Variants in AGPAT3 observed in about 807,000 individuals in gnomAD.
AGPAT3 encodes the protein 1-acylglycerol-3-phosphate O-acyltransferase 3, also known as 1-acyl-sn-glycerol-3-phosphate acyltransferase gamma.
Under a neutral mutation model 47.3 loss-of-function variants are expected in AGPAT3, and 5 were observed. That is an observed-to-expected ratio of 0.11 (90% CI 0.06 to 0.22). AGPAT3 has a LOEUF of 0.22. Among genes scored for constraint, AGPAT3 ranks in the 10% least tolerant of loss-of-function variants. AGPAT3 has a pLI of 1.00. For missense variants in AGPAT3, 315 were observed against 493.0 expected (o/e 0.64, Z 3.42); for synonymous variants, 212 against 208.3 (o/e 1.02, Z -0.15).
chr21:43,930,803 G>T lies in AGPAT3; in HGVS notation c.-49+26784G>T, dbSNP rs1410829902. On this transcript the variant is annotated intron_variant, in intron 2 of 9. Coordinates refer to ENST00000291572, the MANE Select transcript of AGPAT3 (RefSeq NM_020132.5). This position sits in a 1 kb window ranked among gnomAD's most constrained non-coding sequence, Gnocchi z 5.0. The stretch of plus-strand genomic sequence containing the variant: ...GTGGCTCCTCACGGTGGCCGGGGTG[G>T]CCCACGGCAGGCCAGTGTGCGGTCC... Among the ~76,000 whole-genome samples the T allele has an allele frequency of 2.0e-5, 3 of 152,176 alleles. No individual in the cohort carries two copies. The highest frequency in any genetic ancestry group is 4.4e-5 in the Non-Finnish European group (3 of 68,010).
intron 1 of AGPAT3, among the ~76,000 whole-genome samples, chr21:43,896,700 TCTTC>T (rs2086223804): frequency 6.6e-6 from 1 of 152,264 alleles, no homozygotes; most frequent in South Asian, 2.1e-4. Context: ...AAATTTTATA[TCTTC>T]CTTATGAATG....
chr21:43,975,607 C>T (rs773073369), intron 7 of AGPAT3, among the ~76,000 whole-genome samples: 7 of 152,226 alleles, frequency 4.6e-5, no homozygotes, highest in African/African-American at 1.7e-4. Context: ...CCATGGGCCC[C>T]GCAGCTCAAG....
At chr21:43,891,791 C>T (rs1185251492) in intron 1 of AGPAT3, among the ~76,000 whole-genome samples, 3 of 152,176 alleles carry the variant, frequency 2.0e-5, no homozygotes, top group African/African-American at 7.2e-5. Flanking sequence ...TTGAACTCCT[C>T]AAAGTCATCC....
intron 2 of AGPAT3, among the ~76,000 whole-genome samples, chr21:43,918,929 C>CT (rs1030316268): frequency 6.6e-6 from 1 of 152,184 alleles, no homozygotes; most frequent in South Asian, 2.1e-4. Flanking sequence ...ATGTGTTTAA[C>CT]TTTTTTTTCT....
intron 1 of AGPAT3, among the ~76,000 whole-genome samples, chr21:43,901,019 AG>A (rs2086337245): frequency 6.6e-6 from 1 of 152,202 alleles, no homozygotes; most frequent in Non-Finnish European, 1.5e-5. Flanking sequence ...GGAAACATCC[AG>A]GCTAGACACT....
At chr21:43,891,635 C>T (rs1003488818) in intron 1 of AGPAT3, among the ~76,000 whole-genome samples, 1 of 114,078 alleles carries the variant, frequency 8.8e-6, no homozygotes, top group South Asian at 2.8e-4. Flanking sequence ...TCCATCTAAA[C>T]AAAAAAAAAA....
chr21:43,980,995 C>A lies in AGPAT3; in HGVS notation c.850C>A (p.Leu284Ile), dbSNP rs1601489711. 3.1e-6 allele frequency: 5 copies of A among 1,614,160 alleles called. No homozygotes were observed. Among genetic ancestry groups the A allele is most frequent in the Non-Finnish European group, 4.2e-6 (5 of 1,180,020 alleles). Reference sequence around the variant, plus strand: ...TCTCTGTTGACTCTTCTAGGACGCGCTCCAGGAGATATATAATCAGAAGGG... The same window carrying A: ...TCTCTGTTGACTCTTCTAGGACGCGATCCAGGAGATATATAATCAGAAGGG... Reference protein sequence around the residue: ...LHKLYQEKDALQEIYNQKGMF... With the variant: ...LHKLYQEKDAIQEIYNQKGMF... The change falls in exon 9 of 10, where the codon CTC becomes ATC. Residue 284 changes from leucine to isoleucine, a missense_variant. Physicochemically the swap from Leu to Ile is conservative, Grantham distance 5 (BLOSUM62 2). Transcript: ENST00000291572.
intron 2 of AGPAT3, among the ~76,000 whole-genome samples, chr21:43,943,958 A>T (rs1048052940): frequency 6.6e-6 from 1 of 152,158 alleles, no homozygotes; most frequent in Admixed American, 6.5e-5. Context: ...GCCTGGGCCC[A>T]GTGGTGGCAG....
At chr21:43,873,384 C>T (rs1199359086) in intron 1 of AGPAT3, among the ~76,000 whole-genome samples, 1 of 152,194 alleles carries the variant, frequency 6.6e-6, no homozygotes, top group African/African-American at 2.4e-5. Flanking sequence ...AGGTAAAGCA[C>T]GCGCACCAGC....
rs937713399 is a variant in AGPAT3 at position 43,922,365 on chromosome 21, C to T, written c.-49+18346C>T. ...GTGCGAAGGAGTGCAGCCCCCAGGACGCTGGGCCGAGCCAGGCAGGGACCT... is the reference window on the plus strand; with the variant it reads ...GTGCGAAGGAGTGCAGCCCCCAGGATGCTGGGCCGAGCCAGGCAGGGACCT... On this transcript the variant is annotated intron_variant, in intron 2 of 9. Transcript: ENST00000291572. The surrounding 1 kb of genome is among the most constrained non-coding windows in gnomAD (Gnocchi z 4.9). Among the ~76,000 whole-genome samples the T allele has an allele frequency of 3.9e-5, 6 of 152,194 alleles. No individual in the cohort carries two copies. Among genetic ancestry groups the T allele is most frequent in the African/African-American group, 1.2e-4 (5 of 41,422 alleles).
chr21:43,942,034 G>A (rs2087674819), intron 2 of AGPAT3, among the ~76,000 whole-genome samples: 1 of 152,258 alleles, frequency 6.6e-6, no homozygotes, highest in Non-Finnish European at 1.5e-5. Context: ...TTCCAAGGAT[G>A]TGCATTTCTC....
intron 1 of AGPAT3, among the ~76,000 whole-genome samples, chr21:43,889,829 C>T (rs1056834065): frequency 5.3e-5 from 8 of 152,296 alleles, no homozygotes; most frequent in East Asian, 1.9e-4. Flanking sequence ...AGTGAGTCTT[C>T]GTCTTTTTGC....
chr21:43,899,672 C>A (rs1385379016), intron 1 of AGPAT3, among the ~76,000 whole-genome samples: 1 of 152,144 alleles, frequency 6.6e-6, no homozygotes, highest in African/African-American at 2.4e-5. Context: ...GAGCAGAGCA[C>A]CCCTCCCATC....
intron 1 of AGPAT3, among the ~76,000 whole-genome samples, chr21:43,877,692 C>A (rs1017665547): frequency 6.6e-6 from 1 of 152,144 alleles, no homozygotes; most frequent in Non-Finnish European, 1.5e-5. Flanking sequence ...GATCCGCCCG[C>A]CTTGGCTTTC....
chr21:43,903,891 A>G (rs904171483), intron 1 of AGPAT3, 66 bp from the exon 2 acceptor site: 3 of 152,174 alleles, frequency 2.0e-5, no homozygotes, highest in Admixed American at 6.5e-5. Flanking sequence ...GGATGCATAT[A>G]TTTGGTCACA....
chr21:43,968,521 G>T (rs1421905312), intron 4 of AGPAT3, among the ~76,000 whole-genome samples: 2 of 151,744 alleles, frequency 1.3e-5, no homozygotes, highest in African/African-American at 4.8e-5. Flanking sequence ...CCAGGGAAAG[G>T]GCTAGGGGAG....
intron 3 of AGPAT3, 89 bp from the exon 4 acceptor site, chr21:43,967,857 A>G (rs2146734074): frequency 4.4e-6 from 6 of 1,372,522 alleles, no homozygotes; most frequent in Non-Finnish European, 5.9e-6. Context: ...TCTCTGGACA[A>G]AAATACTGTA....
chr21:43,871,753 T>C (rs2085629563), intron 1 of AGPAT3, among the ~76,000 whole-genome samples: 1 of 152,258 alleles, frequency 6.6e-6, no homozygotes, highest in African/African-American at 2.4e-5. Flanking sequence ...TTCTCACCTA[T>C]TCCTTATATA....
chr21:43,967,885 C>T, intron 3 of AGPAT3, 61 bp from the exon 4 acceptor site: 1 of 1,555,904 alleles, frequency 6.4e-7, no homozygotes, highest in Non-Finnish European at 8.7e-7. Flanking sequence ...CCTGTGGGCG[C>T]TCCCTGACCA....
Sources: allele counts gnomAD v4.1 joint callset (sites outside exome capture counted in the v4.1 genomes callset), GRCh38; gene constraint gnomAD v4.1.1; non-coding constraint Gnocchi (gnomAD v3.1); transcripts MANE v1.5; gene names NCBI Gene and HGNC (gene_info 2026-07-23, HGNC 2026-07-21).